Variants in LRP1 observed in about 807,000 individuals in gnomAD.
LRP1 encodes LDL receptor related protein 1, also known as prolow-density lipoprotein receptor-related protein 1.
LRP1 carries 51 observed loss-of-function variants against 541.5 expected under a neutral mutation model. The observed-to-expected ratio is 0.09, with a 90% CI of 0.08 to 0.12. LRP1 has a LOEUF of 0.12. Among genes scored for constraint, LRP1 ranks in the 10% least tolerant of loss-of-function variants. LRP1 has a pLI of 1.00. For missense variants in LRP1, 3,878 were observed against 6,376.2 expected, an observed-to-expected ratio of 0.61 and a Z score of 13.34; for synonymous variants, 2,219 against 2,470.8, an observed-to-expected ratio of 0.90 and a Z score of 3.02.
chr12:57,157,898 G>A (rs1267739150), intron 10 of LRP1, among the ~76,000 whole-genome samples: 6 of 152,226 alleles, frequency 3.9e-5, no homozygotes, highest in Non-Finnish European at 8.8e-5. Flanking sequence ...TCTGGGATAG[G>A]AAGCTCATAG....
chr12:57,191,593 G>GCACATACCACACGCACCCTACA, intron 44 of LRP1, 81 bp downstream of exon 44: 1 of 1,280,602 alleles, frequency 7.8e-7, no homozygotes, highest in African/African-American at 1.6e-5. Context: ...CACACACATC[G>GCACATACCACACGCACCCTACA]CACATACCAC....
At chr12:57,157,245 T>A (rs2035639823) in intron 10 of LRP1, among the ~76,000 whole-genome samples, 1 of 152,242 alleles carries the variant, frequency 6.6e-6, no homozygotes, top group Non-Finnish European at 1.5e-5. Context: ...CCTGGCCTCA[T>A]GGAGCTTATA....
chr12:57,178,294 C>G lies in LRP1; in HGVS notation c.4362-65C>G. On this transcript the variant is annotated intron_variant, in intron 26 of 88. Transcript: ENST00000243077. This position sits in a 1 kb window ranked among gnomAD's most constrained non-coding sequence, Gnocchi z 5.8. Reference sequence around the variant, plus strand: ...TGGCCAGGGCCCAGAGGGTGGGCACCTGGGCAGAGCTCTGAGGGCTGAGAT... The same window carrying G: ...TGGCCAGGGCCCAGAGGGTGGGCACGTGGGCAGAGCTCTGAGGGCTGAGAT... The G allele has an allele frequency of 4.5e-6, 7 of 1,565,852 alleles. No homozygotes were observed. The highest frequency in any genetic ancestry group is 5.2e-6 in the Non-Finnish European group (6 of 1,152,562).
chr12:57,170,066 TC>T (rs929045490), intron 20 of LRP1, among the ~76,000 whole-genome samples: 5 of 152,216 alleles, frequency 3.3e-5, no homozygotes, highest in African/African-American at 4.8e-5. Flanking sequence ...CCCAGGCCTC[TC>T]CCCAGCCTCC....
Position 57,212,907 on chromosome 12 carries a change from C to CTGCTTGCCCCATCCCTGCTT in LRP1, c.*352_*353insTGCTTGCCCCATCCCTGCTT. 4.9e-6 allele frequency: 1 copy of CTGCTTGCCCCATCCCTGCTT among 203,174 alleles called. No homozygotes were observed. 12.6% of individuals were successfully genotyped at this position (203,174 alleles called of 1,614,324 possible). A position where few individuals can be genotyped will look rare whatever the true frequency, so the allele number is the denominator to read the frequency against. Reference sequence around the variant, plus strand: ...ACACTTTGCCAAGGCTCTCCCCTCTCGCCCCATCCCTGCTTGCCCGCTCCC... The same window carrying CTGCTTGCCCCATCCCTGCTT: ...ACACTTTGCCAAGGCTCTCCCCTCTCTGCTTGCCCCATCCCTGCTTGCCCCATCCCTGCTTGCCCGCTCCC... On this transcript the variant is annotated 3_prime_UTR_variant, in exon 89 of 89. Transcript: ENST00000243077. This position sits in a 1 kb window ranked among gnomAD's most constrained non-coding sequence, Gnocchi z 5.0.
At chr12:57,150,157 G>A (rs115266430) in intron 6 of LRP1, 2,980 of 159,418 alleles carry the variant, frequency 0.019, 112 homozygotes, top group African/African-American at 0.068. Flanking sequence ...AGCTCCAGAG[G>A]CCTATGGAGC....
chr12:57,136,649 G>A (rs1351400568), intron 1 of LRP1, among the ~76,000 whole-genome samples: 1 of 152,184 alleles, frequency 6.6e-6, no homozygotes, highest in Non-Finnish European at 1.5e-5. Context: ...AGCCTTGGGT[G>A]GGGGAGAAGG....
intron 48 of LRP1, 76 bp from the exon 49 acceptor site, chr12:57,194,278 C>T: frequency 6.8e-7 from 1 of 1,470,140 alleles, no homozygotes; most frequent in South Asian, 1.4e-5. Context: ...ATGAAGGCTC[C>T]ATAGGGCTGG....
At chr12:57,200,401 C>A in intron 62 of LRP1, 41 bp from the exon 63 acceptor site, 1 of 1,152,912 alleles carries the variant, frequency 8.7e-7, no homozygotes, top group Non-Finnish European at 1.3e-6. Flanking sequence ...CTGAGTCCCC[C>A]AGACCCCCAC....
In LRP1 at chr12:57,178,736, T is replaced by C. The variant is rs2036100003; in HGVS notation, c.4606+133T>C. ...GCTGGGATGGCAGGGGTAGGCCGGC[T>C]GTTGACAGAGGCACTGTCTAGCAGC... On this transcript the variant is annotated intron_variant, in intron 27 of 88. Coordinates refer to ENST00000243077, the MANE Select transcript of LRP1 (RefSeq NM_002332.3). The surrounding 1 kb of genome is among the most constrained non-coding windows in gnomAD (Gnocchi z 5.8). 6 of 1,519,266 alleles carry C rather than the reference T, an allele frequency of 3.9e-6. No individual in the cohort carries two copies. The highest frequency in any genetic ancestry group is 2.7e-5 in the African/African-American group (2 of 72,956). The allele number at this position is 1,519,266 out of a possible 1,614,324, so 94.1% of individuals were successfully genotyped here.
chr12:57,131,308 G>C (rs1203128711), intron 1 of LRP1, among the ~76,000 whole-genome samples: 1 of 152,168 alleles, frequency 6.6e-6, no homozygotes, highest in Non-Finnish European at 1.5e-5. Flanking sequence ...CTCCCCACTA[G>C]CGACAAAATT....
In LRP1 at chr12:57,194,004, T is replaced by C. The variant is rs1388738368; in HGVS notation, c.7910T>C (p.Met2637Thr). 4 of 1,614,046 alleles carry C rather than the reference T, an allele frequency of 2.5e-6. No homozygotes were observed. The South Asian group carries it at 3.3e-5, about 13-fold the overall frequency. Reference protein sequence around the residue: ...FVDCEDASDEMNCSATDCSSY... With the variant: ...FVDCEDASDETNCSATDCSSY... ...GATTGTGAGGACGCCTCAGATGAGA[T>C]GAACTGCAGTGAGTGACGCCCTTTG... Residue 2637 changes from methionine (M) to threonine (T), a missense_variant, in exon 48 of 89, where the codon ATG becomes ACG. Met to Thr is a moderately conservative substitution (Grantham distance 81, BLOSUM62 -1). This residue lies in a region of LRP1 where 1,100 missense variants were observed against 1,827.4 expected (regional missense o/e 0.60). Coordinates refer to ENST00000243077, the MANE Select transcript of LRP1 (RefSeq NM_002332.3).
At chr12:57,168,832 G>T (rs1455704799) in intron 19 of LRP1, among the ~76,000 whole-genome samples, 1 of 152,156 alleles carries the variant, frequency 6.6e-6, no homozygotes, top group Non-Finnish European at 1.5e-5. Context: ...CCAAAAGCAA[G>T]CAGACCCCTG....
chr12:57,180,889 G>T (rs552992738), intron 33 of LRP1, 82 bp downstream of exon 33: 1 of 1,568,694 alleles, frequency 6.4e-7, no homozygotes, highest in Non-Finnish European at 8.7e-7. Flanking sequence ...GGGCCATGGG[G>T]CAAGGGAGTA....
Position 57,178,400 on chromosome 12 carries a change from A to T in LRP1, c.4403A>T (p.His1468Leu), listed in dbSNP as rs1196369312. Reference sequence around the variant, plus strand: ...TCAGCCCGTTACGACGGCTCTGGCCACATGGAGGTGCTTCGGGGACACGAG... The same window carrying T: ...TCAGCCCGTTACGACGGCTCTGGCCTCATGGAGGTGCTTCGGGGACACGAG... ...IYSARYDGSGHMEVLRGHEFL... is the reference protein window; with the variant it reads ...IYSARYDGSGLMEVLRGHEFL... The change falls in exon 27 of 89, where the codon CAC becomes CTC. Residue 1468 changes from histidine (H) to leucine (L), a missense_variant. By Grantham distance (99) the His-to-Leu change is moderately conservative. Coordinates refer to ENST00000243077, the MANE Select transcript of LRP1 (RefSeq NM_002332.3). The surrounding 1 kb of genome is among the most constrained non-coding windows in gnomAD (Gnocchi z 5.8). 1 of 1,614,228 alleles carries T rather than the reference A, an allele frequency of 6.2e-7. No homozygotes were observed. The highest frequency in any genetic ancestry group is 8.5e-7 in the Non-Finnish European group (1 of 1,180,022).
At position 57,212,286 on chromosome 12, in the gene LRP1, G is replaced by A. The variant is rs777637890; in HGVS notation, c.13494+25G>A. The A allele has an allele frequency of 1.2e-5, 19 of 1,612,364 alleles. No homozygotes were observed. Among genetic ancestry groups the A allele is most frequent in the Non-Finnish European group, 1.4e-5 (17 of 1,179,044 alleles). ...GGTGGGCTGGGAGGCGGGCAGGGTC[G>A]AGTGCCAAGAGGCCGTGGGTGGCCT... On this transcript the variant is annotated intron_variant, in intron 88 of 88. Coordinates refer to ENST00000243077, the MANE Select transcript of LRP1 (RefSeq NM_002332.3). The surrounding 1 kb of genome is among the most constrained non-coding windows in gnomAD (Gnocchi z 5.0).
chr12:57,205,464 C>T lies in LRP1; in HGVS notation c.11449C>T (p.Pro3817Ser). The stretch of plus-strand genomic sequence containing the variant: ...CTGCCGCTCGGGCTTCCACACCGTG[C>T]CCGGCCAGCCCGGATGCCAAGGTAG... ...CACRSGFHTV[P>S]GQPGCQDINE... Residue 3817 changes from proline to serine, a missense_variant, in exon 74 of 89, where the codon CCC (proline) becomes TCC (serine). Physicochemically the swap from Pro to Ser is moderately conservative, Grantham distance 74. Around this residue, in one of 13 missense-constraint regions of LRP1, gnomAD observed 871 missense variants for 1,212.4 expected, o/e 0.72. Transcript: ENST00000243077. This position sits in a 1 kb window ranked among gnomAD's most constrained non-coding sequence, Gnocchi z 4.6. 2 of 1,610,624 alleles carry T rather than the reference C, an allele frequency of 1.2e-6. No homozygotes were observed. Among genetic ancestry groups the T allele is most frequent in the Non-Finnish European group, 1.7e-6 (2 of 1,178,238 alleles).
rs749519563 is a variant in LRP1 at position 57,183,351 on chromosome 12, C to G, written c.5663-28C>G. On this transcript the variant is annotated intron_variant, in intron 34 of 88. Transcript: ENST00000243077. The surrounding 1 kb of genome is among the most constrained non-coding windows in gnomAD (Gnocchi z 6.1). ...AAGTTTAAGGGAGTGTTGGCGATACCCATGCCTTAAGTTTCCTTGTCTTTC... is the reference window on the plus strand; with the variant it reads ...AAGTTTAAGGGAGTGTTGGCGATACGCATGCCTTAAGTTTCCTTGTCTTTC... The G allele has an allele frequency of 3.1e-6, 5 of 1,589,168 alleles. No homozygotes were observed. Among genetic ancestry groups the G allele is most frequent in the Non-Finnish European group, 4.3e-6 (5 of 1,160,740 alleles).
intron 42 of LRP1, among the ~76,000 whole-genome samples, chr12:57,190,307 C>CT (rs1225668401): frequency 1.3e-5 from 2 of 152,220 alleles, no homozygotes; most frequent in Non-Finnish European, 2.9e-5. Flanking sequence ...TAAGAATAAA[C>CT]TCCTGGGAAA....
Sources: allele counts gnomAD v4.1 joint callset (sites outside exome capture counted in the v4.1 genomes callset), GRCh38; gene constraint gnomAD v4.1.1; regional missense constraint gnomAD v4.1.1; non-coding constraint Gnocchi (gnomAD v3.1); transcripts MANE v1.5; gene names NCBI Gene and HGNC (gene_info 2026-07-23, HGNC 2026-07-21).